The following TMEM120B variants were observed in gnomAD, a reference collection of about 807,000 sequenced individuals.
The protein encoded by TMEM120B is transmembrane protein 120B.
TMEM120B carries 31 observed loss-of-function variants against 55.5 expected under a neutral mutation model. The ratio of observed to expected loss-of-function variants is 0.56; its 90% confidence interval spans 0.42 to 0.75. The LOEUF (loss-of-function observed/expected upper bound fraction) is 0.75. TMEM120B is among the 30% of genes least tolerant of loss of function. TMEM120B has a pLI of 0.00. For missense variants in TMEM120B, 399 were observed against 425.5 expected (o/e 0.94, Z 0.55); for synonymous variants, 203 against 176.3 (o/e 1.15, Z -1.20).
chr12:121,752,002 A>T (rs1244907099), intron 4 of TMEM120B, 126 bp from the exon 5 acceptor site: 2 of 732,970 alleles, frequency 2.7e-6, no homozygotes, highest in South Asian at 1.7e-5. Flanking sequence ...CTTTAGTGGA[A>T]TGGGAAGGTC....
intron 4 of TMEM120B, 85 bp from the exon 5 acceptor site, chr12:121,752,043 A>G (rs1873347011): frequency 1.8e-6 from 2 of 1,121,904 alleles, no homozygotes; most frequent in East Asian, 4.7e-5. Context: ...CTGAAGGACA[A>G]GGGTCTGATG....
In TMEM120B at chr12:121,775,823, G is replaced by T; in HGVS notation, c.*101G>T. On this transcript the variant is annotated 3_prime_UTR_variant, in exon 12 of 12. Coordinates refer to ENST00000449592, the MANE Select transcript of TMEM120B (RefSeq NM_001080825.2). This position sits in a 1 kb window ranked among gnomAD's most constrained non-coding sequence, Gnocchi z 4.3. The stretch of plus-strand genomic sequence containing the variant: ...AGGCCCGTGGCATCGCTGGGAGAGG[G>T]CCCAGGCCCTGGTCCCCCAGTGGAC... 7.7e-7 allele frequency: 1 copy of T among 1,297,954 alleles called. No homozygotes were observed. Among genetic ancestry groups the T allele is most frequent in the Admixed American group, 1.9e-5 (1 of 51,946 alleles). The allele number at this position is 1,297,954 out of a possible 1,614,324, so 80.4% of individuals were successfully genotyped here.
intron 1 of TMEM120B, among the ~76,000 whole-genome samples, chr12:121,726,487 G>A (rs1200158659): frequency 6.6e-6 from 1 of 151,332 alleles, no homozygotes; most frequent in African/African-American, 2.4e-5. Context: ...GCTGATGCAG[G>A]AGAAAGGCAT....
At position 121,775,767 on chromosome 12, in the gene TMEM120B, G is replaced by T; in HGVS notation, c.*45G>T. 3 of 1,598,222 alleles carry T rather than the reference G, an allele frequency of 1.9e-6. No homozygotes were observed. The highest frequency in any genetic ancestry group is 2.6e-6 in the Non-Finnish European group (3 of 1,169,618). On this transcript the variant is annotated 3_prime_UTR_variant, in exon 12 of 12. Transcript: ENST00000449592. The surrounding 1 kb of genome is among the most constrained non-coding windows in gnomAD (Gnocchi z 4.3). ...TCGGCCCGGACTTCAGACTGCAGGG[G>T]GCTCCCGGGCTCCTTCCCAGCAGCC...
intron 5 of TMEM120B, among the ~76,000 whole-genome samples, 158 bp from the exon 6 acceptor site, chr12:121,761,491 C>G (rs753729959): frequency 2.3e-4 from 35 of 152,084 alleles, no homozygotes; most frequent in Admixed American, 1.3e-4. Context: ...CTCAAGAGAC[C>G]AAGCTCCCCC....
intron 1 of TMEM120B, among the ~76,000 whole-genome samples, chr12:121,724,366 G>A (rs931244447): frequency 2.0e-5 from 3 of 151,942 alleles, no homozygotes; most frequent in African/African-American, 7.3e-5. Flanking sequence ...TAGACACAGG[G>A]TTTCACCATG....
chr12:121,748,596 C>G (rs1023783974), intron 3 of TMEM120B, among the ~76,000 whole-genome samples, 154 bp downstream of exon 3: 1 of 152,072 alleles, frequency 6.6e-6, no homozygotes, highest in African/African-American at 2.4e-5. Context: ...CTTACACATT[C>G]CTCCATGAGC....
At chr12:121,723,322 T>C (rs1894832439) in intron 1 of TMEM120B, among the ~76,000 whole-genome samples, 1 of 152,068 alleles carries the variant, frequency 6.6e-6, no homozygotes, top group Non-Finnish European at 1.5e-5. Flanking sequence ...CATGTGCCAC[T>C]GTGCTCAGCT....
At chr12:121,751,614 G>C (rs7978536) in intron 4 of TMEM120B, among the ~76,000 whole-genome samples, 12,864 of 151,294 alleles carry the variant, frequency 0.085, 985 homozygotes, top group African/African-American at 0.2. Context: ...ACCTGGGAGA[G>C]GGTTGGTTCC....
chr12:121,779,579 G>GA lies in TMEM120B; in HGVS notation c.*3859dup. The GA allele has an allele frequency of 6.2e-7, 1 of 1,614,188 alleles. No homozygotes were observed. The highest frequency in any genetic ancestry group is 8.5e-7 in the Non-Finnish European group (1 of 1,180,042). ...TGAGAGCCACCTTGGCGGCCTCCCG[G>GA]AAGACGTCCTCCACATTCTCCCGAA... On this transcript the variant is annotated 3_prime_UTR_variant, in exon 12 of 12. Transcript: ENST00000449592.
chr12:121,759,406 G>A (rs1873595767), intron 5 of TMEM120B, among the ~76,000 whole-genome samples: 2 of 152,044 alleles, frequency 1.3e-5, no homozygotes, highest in African/African-American at 2.4e-5. Flanking sequence ...GGCCGGATGC[G>A]GTGGCTCACG....
In TMEM120B at chr12:121,770,505, T is replaced by C. The variant is rs187709934; in HGVS notation, c.552-402T>C. Among the ~76,000 whole-genome samples, 275 of 152,174 alleles carry C rather than the reference T, an allele frequency of 1.8e-3. 7 individuals are homozygous for C. The highest frequency in any genetic ancestry group is 0.016 in the Admixed American group (248 of 15,274). ...GGCAGCAGGCAGGCTTGGCGGGTTC[T>C]AGGAGAGCCCACATTCCTGGAGGGC... On this transcript the variant is annotated intron_variant, in intron 6 of 11. Coordinates refer to ENST00000449592, the MANE Select transcript of TMEM120B (RefSeq NM_001080825.2).
chr12:121,780,903 GC>G lies in TMEM120B; in HGVS notation c.*5184del. 2 of 1,613,808 alleles carry G rather than the reference GC, an allele frequency of 1.2e-6. No individual in the cohort carries two copies. Among genetic ancestry groups the G allele is most frequent in the Non-Finnish European group, 8.5e-7 (1 of 1,179,926 alleles). ...GTAGGTGATGGGCTCCAGCTGGGCG[GC>G]CCGGAGCTTCCGCAGCTGCTCCTTG... On this transcript the variant is annotated 3_prime_UTR_variant, in exon 12 of 12. Transcript: ENST00000449592.
At chr12:121,769,153 A>G (rs1277641659) in intron 6 of TMEM120B, among the ~76,000 whole-genome samples, 1 of 112,374 alleles carries the variant, frequency 8.9e-6, no homozygotes, top group Non-Finnish European at 2.0e-5. Context: ...CAAAAAAAAA[A>G]AAAAAAGGCA....
intron 1 of TMEM120B, among the ~76,000 whole-genome samples, chr12:121,728,024 C>T (rs918990299): frequency 6.6e-6 from 1 of 151,856 alleles, no homozygotes; most frequent in Non-Finnish European, 1.5e-5. Context: ...CTTTTTCCCC[C>T]TAAGACAGAG....
At chr12:121,757,229 T>A (rs906039598) in intron 5 of TMEM120B, among the ~76,000 whole-genome samples, 37 of 151,952 alleles carry the variant, frequency 2.4e-4, no homozygotes, top group Non-Finnish European at 1.3e-4. Flanking sequence ...TGGTGTGATC[T>A]CAGCTCACTG....
intron 7 of TMEM120B, 91 bp downstream of exon 7, chr12:121,771,063 G>C (rs367663330): frequency 2.9e-6 from 4 of 1,394,600 alleles, no homozygotes. Context: ...GACAGCGGTG[G>C]GGGGTGTGCT....
rs1013615879 is a variant in TMEM120B at position 121,737,469 on chromosome 12, C to T, written c.70-6160C>T. 2.0e-5 allele frequency among the ~76,000 whole-genome samples: 3 copies of T among 151,656 alleles called. No homozygotes were observed. In the East Asian group the frequency reaches 5.8e-4, roughly 29 times the overall value. ...GCAGTAAGCCGAGATTGTGCCACTG[C>T]ACTCCAGCGTGGGTGACAGAGCAAG... On this transcript the variant is annotated intron_variant, in intron 1 of 11. Transcript: ENST00000449592.
chr12:121,758,308 G>T (rs970369560), intron 5 of TMEM120B: 1 of 985,362 alleles, frequency 1.0e-6, no homozygotes, highest in African/African-American at 1.7e-5. Flanking sequence ...CCCACACAGC[G>T]GTCTGCCGGC....
Sources: allele counts gnomAD v4.1 joint callset (sites outside exome capture counted in the v4.1 genomes callset), GRCh38; gene constraint gnomAD v4.1.1; non-coding constraint Gnocchi (gnomAD v3.1); transcripts MANE v1.5; gene names NCBI Gene and HGNC (gene_info 2026-07-23, HGNC 2026-07-21).